Variants in SAMD8 observed in about 807,000 individuals in gnomAD.
The protein encoded by SAMD8 is sterile alpha motif domain containing 8.
Under a neutral mutation model 42.0 loss-of-function variants are expected in SAMD8, and 20 were observed. The observed-to-expected ratio is 0.48, with a 90% CI of 0.34 to 0.69. The LOEUF (loss-of-function observed/expected upper bound fraction) is 0.69, where lower values mean the gene tolerates loss of function less well. SAMD8 is among the 30% of genes least tolerant of loss of function. The probability of loss-of-function intolerance (pLI) is 0.01; values close to 1 mark genes in which losing one functional copy is unlikely to be tolerated. For missense variants in SAMD8, 328 were observed against 511.6 expected (o/e 0.64, Z 3.46); for synonymous variants, 162 against 173.0 (o/e 0.94, Z 0.50).
At chr10:75,111,584 C>T, upstream of SAMD8, 1 of 1,252,794 alleles carries the variant, frequency 8.0e-7, no homozygotes, top group South Asian at 3.3e-5. Context: ...CCCGCCTCCA[C>T]TCCGGCTCCC....
chr10:75,133,813 A>G (rs999657791), intron 1 of SAMD8, among the ~76,000 whole-genome samples: 2 of 152,226 alleles, frequency 1.3e-5, no homozygotes, highest in South Asian at 2.1e-4. Flanking sequence ...CTAGAGAGAA[A>G]GGATAGGAGA....
upstream of SAMD8, chr10:75,108,963 C>A: frequency 1.9e-6 from 3 of 1,551,242 alleles, no homozygotes; most frequent in Non-Finnish European, 2.6e-6. Context: ...CAAGAACTGC[C>A]TCTCCACGTC....
intron 1 of SAMD8, 151 bp from the exon 2 acceptor site, chr10:75,150,362 TC>T (rs2134481139): frequency 1.2e-6 from 1 of 817,856 alleles, no homozygotes; most frequent in South Asian, 5.6e-5. Flanking sequence ...GCTTAAGTGA[TC>T]CTCCCAACTC....
rs1841070806 is a variant in SAMD8, at chr10:75,180,878, T to C, written c.*4186T>C. 6.6e-6 allele frequency: 1 copy of C among 152,244 alleles called. No individual in the cohort carries two copies. Among genetic ancestry groups the C allele is most frequent in the Non-Finnish European group, 1.5e-5 (1 of 68,046 alleles). 9.4% of individuals were successfully genotyped at this position (152,244 alleles called of 1,614,324 possible). On this transcript the variant is annotated 3_prime_UTR_variant, in exon 6 of 6. Transcript: ENST00000542569. ...AAAGTCATATTTATAACACTAGTCT[T>C]CTTTGACTGTATTCAACAAAAGGCA...
chr10:75,108,251 G>A (rs770203686), upstream of SAMD8: 1 of 1,548,540 alleles, frequency 6.5e-7, no homozygotes, highest in Admixed American at 1.9e-5. Flanking sequence ...GCCAAGCCAT[G>A]GGACCAGGAG....
chr10:75,151,150 A>G lies in SAMD8; in HGVS notation c.578+44A>G, dbSNP rs774326246. 4 of 950,256 alleles carry G rather than the reference A, an allele frequency of 4.2e-6. No individual in the cohort carries two copies. In the South Asian group the frequency reaches 7.9e-5, roughly 19 times the overall value. 58.9% of individuals were successfully genotyped at this position (950,256 alleles called of 1,614,324 possible). A position where few individuals can be genotyped will look rare whatever the true frequency, so the allele number is the denominator to read the frequency against. On this transcript the variant is annotated intron_variant, in intron 2 of 5. Transcript: ENST00000542569. ...TGCTAAGTTTGTAGGATGTTGCTAT[A>G]ATTAACAGCAATGATACTATATTTA...
chr10:75,152,446 C>A (rs1258319226), intron 2 of SAMD8, among the ~76,000 whole-genome samples: 1 of 145,872 alleles, frequency 6.9e-6, no homozygotes, highest in Non-Finnish European at 1.5e-5. Context: ...GGCGTGAACC[C>A]GGGAGGCGGA....
At chr10:75,118,431 G>A (rs1848932185) in intron 1 of SAMD8, among the ~76,000 whole-genome samples, 1 of 152,210 alleles carries the variant, frequency 6.6e-6, no homozygotes, top group African/African-American at 2.4e-5. Flanking sequence ...GATCACTTGA[G>A]ATCAGAGTTC....
intron 2 of SAMD8, among the ~76,000 whole-genome samples, chr10:75,162,683 G>T (rs557476224): frequency 6.8e-6 from 1 of 147,280 alleles, no homozygotes; most frequent in Non-Finnish European, 1.5e-5. Context: ...GAATTGCCAA[G>T]ATGAGAGTTA....
intron 3 of SAMD8, among the ~76,000 whole-genome samples, chr10:75,166,617 A>G (rs1840688360): frequency 6.6e-6 from 1 of 152,196 alleles, no homozygotes; most frequent in African/African-American, 2.4e-5. Flanking sequence ...TTTAGGCCAC[A>G]TTGAGCCATA....
At chr10:75,126,285 T>C (rs1849130974) in intron 1 of SAMD8, among the ~76,000 whole-genome samples, 1 of 152,184 alleles carries the variant, frequency 6.6e-6, no homozygotes, top group Non-Finnish European at 1.5e-5. Context: ...TTTAGCAAAT[T>C]AGATAAATAT....
upstream of SAMD8, among the ~76,000 whole-genome samples, chr10:75,107,815 G>T (rs1367735377): frequency 1.3e-5 from 2 of 152,110 alleles, no homozygotes; most frequent in Non-Finnish European, 2.9e-5. Context: ...GACCTCAGGC[G>T]ATCCACCCAC....
chr10:75,173,028 G>A (rs1840906346), intron 4 of SAMD8, among the ~76,000 whole-genome samples: 1 of 152,172 alleles, frequency 6.6e-6, no homozygotes, highest in Non-Finnish European at 1.5e-5. Flanking sequence ...CAGCCACTGA[G>A]GAGAGGGATA....
At chr10:75,159,940 A>G (rs1320162893) in intron 2 of SAMD8, among the ~76,000 whole-genome samples, 2 of 152,240 alleles carry the variant, frequency 1.3e-5, no homozygotes, top group African/African-American at 4.8e-5. Context: ...CAATATGTTC[A>G]GCATATAGAA....
chr10:75,156,982 C>T (rs1270433603), intron 2 of SAMD8, among the ~76,000 whole-genome samples: 8 of 151,958 alleles, frequency 5.3e-5, no homozygotes, highest in African/African-American at 1.9e-4. Context: ...TATCCTTGTT[C>T]CTAGAGAAAC....
chr10:75,118,982 C>T (rs1848944367), intron 1 of SAMD8, among the ~76,000 whole-genome samples: 1 of 152,148 alleles, frequency 6.6e-6, no homozygotes, highest in South Asian at 2.1e-4. Flanking sequence ...AGCTTCAGTG[C>T]ATCTATAATA....
intron 1 of SAMD8, among the ~76,000 whole-genome samples, chr10:75,126,843 T>C (rs1475984617): frequency 6.6e-6 from 1 of 151,814 alleles, no homozygotes; most frequent in East Asian, 1.9e-4. Flanking sequence ...CTCTATATAA[T>C]AGACACTTAG....
At chr10:75,099,881 T>C (rs887867818) in intron 1 of SAMD8, among the ~76,000 whole-genome samples, 29 of 152,156 alleles carry the variant, frequency 1.9e-4, no homozygotes, top group Admixed American at 1.8e-3. Flanking sequence ...TTCAGGATGC[T>C]CTGGGGGTCT....
chr10:75,103,759 G>A lies in SAMD8; in HGVS notation c.-16+4031G>A, dbSNP rs753346907. ...CTGAGCCCTGAGGGGAGCTGCTGGA[G>A]ACAGCTGTGGCCAACAGCTATCACA... is the stretch of plus-strand genomic sequence containing the variant. On this transcript the variant is annotated intron_variant, in intron 1 of 3. Coordinates refer to the SAMD8 transcript ENST00000447533. 516 of 664,998 alleles carry A rather than the reference G, an allele frequency of 7.8e-4. 2 individuals are homozygous for A. The highest frequency in any genetic ancestry group is 9.9e-4 in the Non-Finnish European group (456 of 458,892). The allele number at this position is 664,998 out of a possible 1,614,324, so 41.2% of individuals were successfully genotyped here.
Sources: gnomAD v4.1 joint callset for allele counts (sites outside exome capture counted in the v4.1 genomes callset) on GRCh38, gnomAD v4.1.1 for gene constraint, MANE v1.5 for transcripts, NCBI Gene and HGNC (gene_info 2026-07-23, HGNC 2026-07-21) for gene names.